Variants in LRBA observed in about 807,000 individuals in gnomAD.
LRBA encodes the protein lipopolysaccharide-responsive and beige-like anchor protein.
LRBA carries 176 observed loss-of-function variants against 330.0 expected under a neutral mutation model. That is an observed-to-expected ratio of 0.53 (90% CI 0.47 to 0.60). The LOEUF is 0.60. Ranked by LOEUF, LRBA falls within the 20% of genes least tolerant of loss-of-function variation. The probability of loss-of-function intolerance (pLI) is 0.00; values close to 1 mark genes in which losing one functional copy is unlikely to be tolerated. For synonymous variants in LRBA, 1,230 were observed against 1,193.0 expected (o/e 1.03, Z -0.64); for missense variants, 3,259 against 3,444.8 (o/e 0.95, Z 1.35).
chr4:150,630,225 T>C (rs909854698), intron 37 of LRBA, among the ~76,000 whole-genome samples: 2 of 152,214 alleles, frequency 1.3e-5, no homozygotes, highest in African/African-American at 4.8e-5. Context: ...ATAACACCTA[T>C]GATTTCACTA....
At chr4:150,970,523 T>TGTGTGTG (rs1739417924) in intron 2 of LRBA, 1 of 115,632 alleles carries the variant, frequency 8.6e-6, no homozygotes, top group African/African-American at 3.4e-5. Flanking sequence ...TAATATATAC[T>TGTGTGTG]TGTGTGTGTG....
intron 47 of LRBA, among the ~76,000 whole-genome samples, chr4:150,402,881 A>G (rs1220110125): frequency 6.6e-6 from 1 of 151,734 alleles, no homozygotes; most frequent in African/African-American, 2.4e-5. Flanking sequence ...GCCGTTCTGG[A>G]TAAGCATGTG....
chr4:150,414,542 G>A (rs540825851), intron 47 of LRBA, among the ~76,000 whole-genome samples: 9 of 152,100 alleles, frequency 5.9e-5, no homozygotes, highest in African/African-American at 1.9e-4. Context: ...CCAGGCTGGA[G>A]TACAATGGCA....
chr4:150,398,762 A>G (rs1296423430), intron 47 of LRBA, among the ~76,000 whole-genome samples: 1 of 151,908 alleles, frequency 6.6e-6, no homozygotes, highest in Non-Finnish European at 1.5e-5. Context: ...ATGTAGATGG[A>G]ACTACCGGCA....
intron 47 of LRBA, among the ~76,000 whole-genome samples, chr4:150,386,803 A>G (rs1012296386): frequency 7.2e-5 from 11 of 152,184 alleles, no homozygotes; most frequent in Non-Finnish European, 2.9e-5. Flanking sequence ...GCTGGGTCAA[A>G]TGGTGTGTCT....
intron 34 of LRBA, among the ~76,000 whole-genome samples, chr4:150,781,510 C>T (rs1380019364): frequency 1.3e-5 from 2 of 152,332 alleles, no homozygotes; most frequent in East Asian, 1.9e-4. Flanking sequence ...GCTCACCTGC[C>T]GCTCACCTCC....
intron 2 of LRBA, among the ~76,000 whole-genome samples, chr4:151,011,535 T>G (rs1744838832): frequency 6.7e-6 from 1 of 149,044 alleles, no homozygotes; most frequent in Admixed American, 6.8e-5. Context: ...GAGGCAGAGG[T>G]TGCAGGGAGG....
chr4:150,746,785 T>C (rs912471957), intron 35 of LRBA, among the ~76,000 whole-genome samples: 1 of 152,050 alleles, frequency 6.6e-6, no homozygotes, highest in Non-Finnish European at 1.5e-5. Flanking sequence ...GCTGGGATTA[T>C]AGGTGTGAGC....
In LRBA at chr4:150,960,098, T is replaced by A. The variant is rs55752281; in HGVS notation, c.217-31033A>T. On this transcript the variant is annotated intron_variant, in intron 2 of 56. Coordinates refer to ENST00000651943, the MANE Select transcript of LRBA (RefSeq NM_001364905.1). Reference sequence around the variant, plus strand: ...CACTGGATAACTAAATACAACTGGATAATTAAATACATCTTTTCATAGAAC... The same window carrying A: ...CACTGGATAACTAAATACAACTGGAAAATTAAATACATCTTTTCATAGAAC... 1.1e-3 allele frequency among the ~76,000 whole-genome samples: 167 copies of A among 148,922 alleles called. 1 individual carries two copies. The highest frequency in any genetic ancestry group is 1.7e-3 in the Non-Finnish European group (113 of 67,994).
At chr4:150,727,090 T>TTTTC (rs1560736495) in intron 36 of LRBA, among the ~76,000 whole-genome samples, 2 of 141,632 alleles carry the variant, frequency 1.4e-5, no homozygotes, top group African/African-American at 2.8e-5. Flanking sequence ...TTTTTTTTTT[T>TTTTC]GAGATGGAGT....
At chr4:150,271,890 CCT>C (rs1746162824) in intron 56 of LRBA, among the ~76,000 whole-genome samples, 1 of 152,178 alleles carries the variant, frequency 6.6e-6, no homozygotes, top group Non-Finnish European at 1.5e-5. Flanking sequence ...CCCCCATCTC[CCT>C]GGGACAGAGC....
chr4:150,304,779 G>A (rs1004635030), intron 52 of LRBA, among the ~76,000 whole-genome samples: 1 of 152,090 alleles, frequency 6.6e-6, no homozygotes, highest in Non-Finnish European at 1.5e-5. Flanking sequence ...TAAACTGGCG[G>A]GGATCAGATT....
Position 150,547,009 on chromosome 4 carries a change from C to A in LRBA, c.6330+41039G>T, listed in dbSNP as rs1276424914. 3.9e-5 allele frequency among the ~76,000 whole-genome samples: 6 copies of A among 152,114 alleles called. No homozygotes were observed. The East Asian group carries it at 1.2e-3, about 29-fold the overall frequency. On this transcript the variant is annotated intron_variant, in intron 40 of 56. Transcript: ENST00000651943. ...AACATATTTAATTCTAACAGTTTAA[C>A]TTTGTTGATTTAAATTTTACCCAAG...
At chr4:151,006,259 G>C (rs768353194) in intron 2 of LRBA, among the ~76,000 whole-genome samples, 37 of 152,172 alleles carry the variant, frequency 2.4e-4, no homozygotes, top group Non-Finnish European at 3.8e-4. Flanking sequence ...CCCAGAGGCG[G>C]AGGCTGCCGT....
chr4:150,487,554 G>A (rs972113165), intron 42 of LRBA, among the ~76,000 whole-genome samples, 178 bp downstream of exon 42: 7 of 151,318 alleles, frequency 4.6e-5, no homozygotes, highest in African/African-American at 1.5e-4. Context: ...ATGCAGTTTA[G>A]TCAAAAGAAA....
intron 35 of LRBA, among the ~76,000 whole-genome samples, chr4:150,739,801 A>G (rs1393652925): frequency 6.6e-6 from 1 of 152,184 alleles, no homozygotes; most frequent in Admixed American, 6.5e-5. Context: ...TCAGACTCTC[A>G]GTCTAACGAC....
At chr4:150,721,738 C>T (rs1728965293) in intron 36 of LRBA, among the ~76,000 whole-genome samples, 1 of 152,122 alleles carries the variant, frequency 6.6e-6, no homozygotes, top group African/African-American at 2.4e-5. Flanking sequence ...ACTCAGCCTC[C>T]CGAGTAGCTG....
At chr4:150,293,194 T>C (rs1411318971) in intron 53 of LRBA, among the ~76,000 whole-genome samples, 1 of 152,202 alleles carries the variant, frequency 6.6e-6, no homozygotes. Context: ...TAGTTACAAT[T>C]GATTACTACA....
chr4:150,489,177 G>GAA (rs372286850), intron 41 of LRBA, among the ~76,000 whole-genome samples: 5,387 of 18,022 alleles, frequency 0.3, 409 homozygotes, highest in East Asian at 0.52. Context: ...TTATATATAA[G>GAA]TATATAATAT....
Sources: allele counts gnomAD v4.1 joint callset (sites outside exome capture counted in the v4.1 genomes callset), GRCh38; gene constraint gnomAD v4.1.1; transcripts MANE v1.5; gene names NCBI Gene and HGNC (gene_info 2026-07-23, HGNC 2026-07-21).